The following SLC15A1 variants were observed in gnomAD, a reference collection of about 807,000 sequenced individuals.
The protein encoded by SLC15A1 is solute carrier family 15 member 1.
A neutral mutation model predicts 92.9 loss-of-function variants in SLC15A1; 83 were observed. The observed-to-expected ratio is 0.89, with a 90% CI of 0.75 to 1.07. The LOEUF is 1.07. Ranked by LOEUF, SLC15A1 falls within the 50% of genes least tolerant of loss-of-function variation. The pLI is 0.00. For missense variants in SLC15A1, 857 were observed against 880.1 expected (o/e 0.97, Z 0.33); for synonymous variants, 322 against 318.2 (o/e 1.01, Z -0.13).
intron 9 of SLC15A1, among the ~76,000 whole-genome samples, chr13:98,712,828 A>G (rs1464440347): frequency 2.0e-5 from 3 of 152,240 alleles, no homozygotes; most frequent in African/African-American, 7.2e-5. Flanking sequence ...CTAGAGAAGC[A>G]CGCCCAATAG....
At position 98,715,866 on chromosome 13, in the gene SLC15A1, T is replaced by C. The variant is rs376870601; in HGVS notation, c.723+12A>G. ...TTAAATAGCCTTGAGAAAGAGCAGCTGAGATACTTACACCGATGCACTTGG... is the reference window on the plus strand; with the variant it reads ...TTAAATAGCCTTGAGAAAGAGCAGCCGAGATACTTACACCGATGCACTTGG... On this transcript the variant is annotated intron_variant, in intron 9 of 22. Transcript: ENST00000376503. The C allele has an allele frequency of 6.2e-7, 1 of 1,608,868 alleles. No individual in the cohort carries two copies. Among genetic ancestry groups the C allele is most frequent in the Non-Finnish European group, 8.5e-7 (1 of 1,175,192 alleles).
At chr13:98,686,447 A>C in intron 21 of SLC15A1, 150 bp from the exon 22 acceptor site, 1 of 639,006 alleles carries the variant, frequency 1.6e-6, no homozygotes. Flanking sequence ...ATCATCACTT[A>C]AGTAACAAGA....
intron 16 of SLC15A1, 27 bp downstream of exon 16, chr13:98,706,107 A>G: frequency 6.3e-7 from 1 of 1,594,270 alleles, no homozygotes; most frequent in Non-Finnish European, 8.5e-7. Flanking sequence ...AAGATGAAAA[A>G]GAAGGCAGCA....
intron 11 of SLC15A1, among the ~76,000 whole-genome samples, chr13:98,710,581 C>T (rs183532045): frequency 4.7e-4 from 71 of 152,010 alleles, no homozygotes; most frequent in African/African-American, 1.6e-3. Context: ...TTTGGGAGGC[C>T]GAGGCGCGTG....
intron 9 of SLC15A1, among the ~76,000 whole-genome samples, chr13:98,715,621 A>G (rs755477217): frequency 6.6e-6 from 1 of 152,200 alleles, no homozygotes; most frequent in Non-Finnish European, 1.5e-5. Flanking sequence ...TGCCATTTCG[A>G]CAGATGAAGA....
At chr13:98,715,509 T>C (rs1210253184) in intron 9 of SLC15A1, among the ~76,000 whole-genome samples, 2 of 152,184 alleles carry the variant, frequency 1.3e-5, no homozygotes, top group African/African-American at 4.8e-5. Context: ...GCAGCATGAC[T>C]GACTTGAAGC....
At chr13:98,718,637 T>G (rs2088230478) in intron 8 of SLC15A1, among the ~76,000 whole-genome samples, 1 of 152,034 alleles carries the variant, frequency 6.6e-6, no homozygotes, top group Non-Finnish European at 1.5e-5. Flanking sequence ...GCCAGCATGG[T>G]GAAACCCTGT....
intron 9 of SLC15A1, among the ~76,000 whole-genome samples, chr13:98,714,728 G>C (rs562890033): frequency 6.7e-6 from 1 of 149,922 alleles, no homozygotes; most frequent in Admixed American, 6.7e-5. Flanking sequence ...GATAAAGTAA[G>C]TGATCTAAAA....
intron 18 of SLC15A1, among the ~76,000 whole-genome samples, chr13:98,692,931 G>A (rs1258631791): frequency 6.6e-6 from 1 of 151,704 alleles, no homozygotes; most frequent in African/African-American, 2.4e-5. Context: ...TAGGGACAGG[G>A]TTTTGCCATA....
intron 1 of SLC15A1, among the ~76,000 whole-genome samples, chr13:98,737,809 G>A (rs951267416): frequency 4.6e-5 from 7 of 152,212 alleles, no homozygotes; most frequent in African/African-American, 1.7e-4. Flanking sequence ...AACGGGCATA[G>A]GTCAGAAGAA....
intron 18 of SLC15A1, among the ~76,000 whole-genome samples, chr13:98,695,328 G>C (rs141250151): frequency 1.2e-3 from 182 of 152,112 alleles, no homozygotes; most frequent in Non-Finnish European, 2.1e-3. Context: ...CTCAAGTAAT[G>C]CTCCCGCCTC....
At chr13:98,704,205 A>G (rs1300270979) in intron 17 of SLC15A1, 84 bp downstream of exon 17, 26 of 1,314,358 alleles carry the variant, frequency 2.0e-5, no homozygotes, top group Non-Finnish European at 2.6e-5. Flanking sequence ...ACTATATGGG[A>G]GTAAAACAAA....
chr13:98,739,922 C>CA (rs3837539), intron 1 of SLC15A1, among the ~76,000 whole-genome samples: 147,203 of 152,212 alleles, frequency 0.97, 71,261 homozygotes, highest in African/African-American at 0.99. Flanking sequence ...ACTTAAAATA[C>CA]GACAAGAATT....
intron 4 of SLC15A1, 60 bp downstream of exon 4, chr13:98,726,063 C>T: frequency 1.3e-6 from 2 of 1,590,898 alleles, no homozygotes; most frequent in Non-Finnish European, 1.7e-6. Flanking sequence ...CCATTCCCAA[C>T]TACAAAACCT....
chr13:98,718,946 C>T (rs1043013435), intron 8 of SLC15A1, among the ~76,000 whole-genome samples: 2 of 152,206 alleles, frequency 1.3e-5, no homozygotes, highest in African/African-American at 4.8e-5. Context: ...AGTGACCATG[C>T]TGGGCCTCTC....
intron 1 of SLC15A1, among the ~76,000 whole-genome samples, chr13:98,739,217 G>A (rs1310522086): frequency 6.6e-6 from 1 of 152,212 alleles, no homozygotes; most frequent in African/African-American, 2.4e-5. Context: ...CTCATAGGTG[G>A]AAAGGACTTG....
rs568273415 is a variant in SLC15A1, at chr13:98,688,266, G to A, written c.1665C>T (p.Thr555=). 3.1e-6 allele frequency: 5 copies of A among 1,612,112 alleles called. No individual in the cohort carries two copies. The South Asian group carries it at 3.3e-5, about 11-fold the overall frequency. The change falls in exon 20 of 23, where the codon ACC becomes ACT. Residue 555 remains threonine, a synonymous_variant. Coordinates refer to ENST00000376503, the MANE Select transcript of SLC15A1 (RefSeq NM_005073.4). ...TACTAACCTTCCTTTGGACTATATAGGTATAAGCACTACCAAATTCAAGGT... is the reference window on the plus strand; with the variant it reads ...TACTAACCTTCCTTTGGACTATATAAGTATAAGCACTACCAAATTCAAGGT... ...TFYLEFGSAY[T]YIVQRKNDSC...
At chr13:98,694,784 T>C (rs1013985328) in intron 18 of SLC15A1, among the ~76,000 whole-genome samples, 2 of 152,112 alleles carry the variant, frequency 1.3e-5, no homozygotes, top group Non-Finnish European at 1.5e-5. Flanking sequence ...CCCAGCACTT[T>C]GGGAAGCTGA....
intron 1 of SLC15A1, among the ~76,000 whole-genome samples, chr13:98,739,221 G>A (rs2088420365): frequency 1.3e-5 from 2 of 152,208 alleles, no homozygotes; most frequent in Admixed American, 1.3e-4. Flanking sequence ...TAGGTGGAAA[G>A]GACTTGCCTT....
Sources: allele counts gnomAD v4.1 joint callset (sites outside exome capture counted in the v4.1 genomes callset), GRCh38; gene constraint gnomAD v4.1.1; transcripts MANE v1.5; gene names NCBI Gene and HGNC (gene_info 2026-07-23, HGNC 2026-07-21).